PPFIA2: variants seen among roughly 807,000 people sequenced by gnomAD.
PPFIA2 encodes the protein liprin-alpha-2.
A neutral mutation model predicts 175.5 loss-of-function variants in PPFIA2; 46 were observed. That is an observed-to-expected ratio of 0.26 (90% CI 0.21 to 0.34). The LOEUF is 0.34. Among genes scored for constraint, PPFIA2 ranks in the 10% least tolerant of loss-of-function variants. PPFIA2 has a pLI of 1.00. For synonymous variants in PPFIA2, 568 were observed against 511.4 expected, an observed-to-expected ratio of 1.11 and a Z score of -1.49; for missense variants, 1,179 against 1,506.1, an observed-to-expected ratio of 0.78 and a Z score of 3.60.
intron 7 of PPFIA2, among the ~76,000 whole-genome samples, chr12:81,411,779 A>G (rs889506712): frequency 6.6e-6 from 1 of 152,064 alleles, no homozygotes; most frequent in Admixed American, 6.6e-5. Flanking sequence ...TTCCTAATGG[A>G]AATTGTACTC....
In PPFIA2 at chr12:81,353,356, A is replaced by C; in HGVS notation, c.1774-17T>G. On this transcript the variant is annotated splice_polypyrimidine_tract_variant and intron_variant, in intron 16 of 32. Coordinates refer to ENST00000549396, the MANE Select transcript of PPFIA2 (RefSeq NM_003625.5). ...AGATTTCACCTGAATGGTGAATGAA[A>C]AAATGCAGAATATTTATCATATTGC... The C allele has an allele frequency of 6.5e-7, 1 of 1,538,614 alleles. No individual in the cohort carries two copies. The highest frequency in any genetic ancestry group is 9.0e-7 in the Non-Finnish European group (1 of 1,111,670).
intron 4 of PPFIA2, among the ~76,000 whole-genome samples, chr12:81,521,651 C>CAAAAAAAA (rs1167533871): frequency 2.7e-4 from 24 of 87,486 alleles, no homozygotes; most frequent in Non-Finnish European, 4.0e-4. Context: ...TAATAAAATA[C>CAAAAAAAA]AAAAAAAAAA....
chr12:81,470,000 T>C (rs529801995), intron 4 of PPFIA2, among the ~76,000 whole-genome samples: 7 of 152,296 alleles, frequency 4.6e-5, no homozygotes, highest in African/African-American at 1.7e-4. Flanking sequence ...TGATCTCAGG[T>C]TTCCAGCCTC....
chr12:81,510,101 T>C (rs1439340533), intron 4 of PPFIA2, among the ~76,000 whole-genome samples: 1 of 152,036 alleles, frequency 6.6e-6, no homozygotes, highest in East Asian at 1.9e-4. Context: ...TATTTCAGAA[T>C]CCAAAAAATT....
In PPFIA2 at chr12:81,642,789, A is replaced by G. The variant is rs1274611230; in HGVS notation, c.303+34002T>C. Among the ~76,000 whole-genome samples, 10 of 73,340 alleles carry G rather than the reference A, an allele frequency of 1.4e-4. 5 individuals carry two copies. Among genetic ancestry groups the G allele is most frequent in the African/African-American group, 2.2e-4 (4 of 18,302 alleles). 48.1% of individuals were successfully genotyped at this position (73,340 alleles called of 152,430 possible). A position where few individuals can be genotyped will look rare whatever the true frequency, so the allele number is the denominator to read the frequency against. On this transcript the variant is annotated intron_variant, in intron 4 of 32. Transcript: ENST00000549396. The stretch of plus-strand genomic sequence containing the variant: ...ATATGTATGTATGTATTATATACAT[A>G]CATGTATATGTATGTATGTATTACA...
intron 4 of PPFIA2, among the ~76,000 whole-genome samples, chr12:81,538,982 G>T (rs1400875948): frequency 6.6e-6 from 1 of 151,962 alleles, no homozygotes; most frequent in Non-Finnish European, 1.5e-5. Flanking sequence ...TAATAATCCA[G>T]ATGAAAGATG....
chr12:81,285,889 A>G (rs1253729475), intron 24 of PPFIA2, among the ~76,000 whole-genome samples: 1 of 152,080 alleles, frequency 6.6e-6, no homozygotes, highest in Non-Finnish European at 1.5e-5. Context: ...AGCCCCAAGT[A>G]GGTTCCTTGG....
chr12:81,430,615 T>G (rs1356071335), intron 7 of PPFIA2: 1 of 151,840 alleles, frequency 6.6e-6, no homozygotes, highest in Non-Finnish European at 1.5e-5. Context: ...ACTCTTGACT[T>G]GCTTGAGTCT....
rs74858030 is a variant in PPFIA2, at chr12:81,707,081, T to C, written c.250-30237A>G. On this transcript the variant is annotated intron_variant, in intron 3 of 32. Coordinates refer to ENST00000549396, the MANE Select transcript of PPFIA2 (RefSeq NM_003625.5). ...ATCATAAAAACCCTAGAAAAAAACC[T>C]AGGCATTACCATTCAGGACATAGGC... 7.9e-4 allele frequency among the ~76,000 whole-genome samples: 121 copies of C among 152,254 alleles called. 1 individual carries two copies. In the East Asian group the frequency reaches 0.018, roughly 22 times the overall value.
At chr12:81,642,673 A>G (rs867792881) in intron 4 of PPFIA2, among the ~76,000 whole-genome samples, 339 of 28,412 alleles carry the variant, frequency 0.012, 76 homozygotes, top group African/African-American at 0.088. Flanking sequence ...ATATACATAC[A>G]TGTATGTATC....
intron 22 of PPFIA2, among the ~76,000 whole-genome samples, chr12:81,311,596 G>A (rs1489813375): frequency 1.3e-5 from 2 of 151,924 alleles, no homozygotes; most frequent in Admixed American, 6.6e-5. Context: ...AGCCAGGCGT[G>A]GTGGTGGGTG....
intron 4 of PPFIA2, among the ~76,000 whole-genome samples, chr12:81,650,203 G>T (rs2066819880): frequency 6.6e-6 from 1 of 151,798 alleles, no homozygotes; most frequent in African/African-American, 2.4e-5. Flanking sequence ...TAGAGACGGG[G>T]CTTCACCGGG....
At chr12:81,385,982 TA>T (rs2038852318) in intron 8 of PPFIA2, among the ~76,000 whole-genome samples, 1 of 151,922 alleles carries the variant, frequency 6.6e-6, no homozygotes, top group African/African-American at 2.4e-5. Context: ...ATTTGTCAAT[TA>T]AAAAGTAAAA....
At chr12:81,404,683 C>T (rs999693811) in intron 8 of PPFIA2, among the ~76,000 whole-genome samples, 1 of 152,156 alleles carries the variant, frequency 6.6e-6, no homozygotes, top group Non-Finnish European at 1.5e-5. Flanking sequence ...GTTCATTTGT[C>T]AGCCACCAGA....
At chr12:81,678,769 A>T (rs965215128) in intron 3 of PPFIA2, among the ~76,000 whole-genome samples, 4 of 151,830 alleles carry the variant, frequency 2.6e-5, no homozygotes, top group African/African-American at 9.7e-5. Context: ...TCATTTGAGG[A>T]ATGTTTGAAA....
intron 7 of PPFIA2, among the ~76,000 whole-genome samples, chr12:81,406,183 A>G (rs1203146598): frequency 1.3e-5 from 2 of 152,190 alleles, no homozygotes; most frequent in African/African-American, 4.8e-5. Flanking sequence ...TGTATCTAAA[A>G]TCAATGATAT....
At chr12:81,367,211 C>T (rs1444705357) in intron 13 of PPFIA2, 41 bp from the exon 14 acceptor site, 5 of 1,201,482 alleles carry the variant, frequency 4.2e-6, no homozygotes, top group Admixed American at 6.7e-5. Flanking sequence ...ATAAATTAAA[C>T]ATAAAATACT....
chr12:81,348,155 T>A (rs778246545), intron 17 of PPFIA2, among the ~76,000 whole-genome samples: 1 of 152,138 alleles, frequency 6.6e-6, no homozygotes, highest in Non-Finnish European at 1.5e-5. Context: ...AGCCTTGAGA[T>A]GGCAAAGGAC....
chr12:81,258,997 T>C lies in PPFIA2; in HGVS notation c.*697A>G, dbSNP rs1195093621. ...TGAAAAGGAGATCAAGCCATCACAG[T>C]GCTATTTCTAAAGATATAGGACATC... On this transcript the variant is annotated 3_prime_UTR_variant, in exon 33 of 33. Coordinates refer to ENST00000549396, the MANE Select transcript of PPFIA2 (RefSeq NM_003625.5). The C allele has an allele frequency of 6.5e-6, 1 of 153,144 alleles. No homozygotes were observed. The highest frequency in any genetic ancestry group is 1.5e-5 in the Non-Finnish European group (1 of 68,814). The allele number at this position is 153,144 out of a possible 1,614,324, so 9.5% of individuals were successfully genotyped here.
Sources: allele counts gnomAD v4.1 joint callset (sites outside exome capture counted in the v4.1 genomes callset), GRCh38; gene constraint gnomAD v4.1.1; transcripts MANE v1.5; gene names NCBI Gene and HGNC (gene_info 2026-07-23, HGNC 2026-07-21).